ANKRD13C: variants seen among roughly 807,000 people sequenced by gnomAD.
The protein encoded by ANKRD13C is ankyrin repeat domain 13C, also known as ankyrin repeat domain-containing protein 13C.
Under a neutral mutation model 65.5 loss-of-function variants are expected in ANKRD13C, and 16 were observed. The observed-to-expected ratio is 0.24, with a 90% CI of 0.17 to 0.37. ANKRD13C has a LOEUF of 0.37. ANKRD13C is among the 10% of genes least tolerant of loss of function. ANKRD13C has a pLI of 1.00. For missense variants in ANKRD13C, 503 were observed against 655.9 expected (o/e 0.77, Z 2.55); for synonymous variants, 235 against 238.7 (o/e 0.98, Z 0.14).
At chr1:70,324,664 G>GT (rs1248159356) in intron 3 of ANKRD13C, among the ~76,000 whole-genome samples, 189 bp downstream of exon 3, 1 of 152,104 alleles carries the variant, frequency 6.6e-6, no homozygotes, top group Non-Finnish European at 1.5e-5. Flanking sequence ...AATTTTAAAC[G>GT]TGATTCTTCA....
intron 11 of ANKRD13C, among the ~76,000 whole-genome samples, chr1:70,271,590 T>G (rs1420860846): frequency 1.3e-5 from 2 of 152,198 alleles, no homozygotes. Flanking sequence ...TACTGACAGA[T>G]CACACTTTTG....
chr1:70,267,677 GTTC>G (rs1678690063), intron 12 of ANKRD13C, among the ~76,000 whole-genome samples: 1 of 152,028 alleles, frequency 6.6e-6, no homozygotes, highest in Admixed American at 6.6e-5. Flanking sequence ...CATTCTCTCT[GTTC>G]TTCATTTCTC....
At chr1:70,302,692 C>G (rs1462611259) in intron 6 of ANKRD13C, among the ~76,000 whole-genome samples, 6 of 86,346 alleles carry the variant, frequency 6.9e-5, no homozygotes, top group Non-Finnish European at 2.0e-5. Context: ...CGCCACTGCA[C>G]TCCAGCCTGG....
rs1412658262 is a variant in ANKRD13C, at chr1:70,260,160, GAC to G, written c.*2555_*2556del. On this transcript the variant is annotated 3_prime_UTR_variant, in exon 13 of 13. Coordinates refer to ENST00000370944, the MANE Select transcript of ANKRD13C (RefSeq NM_030816.5). ...CTAACATGTATCAGCAGACAGATGTGACAGTTTCCAAACCATCATCTGTACTT... is the reference window on the plus strand; with the variant it reads ...CTAACATGTATCAGCAGACAGATGTGAGTTTCCAAACCATCATCTGTACTT... Among the ~76,000 whole-genome samples the G allele has an allele frequency of 6.6e-6, 1 of 152,126 alleles. No individual in the cohort carries two copies. The highest frequency in any genetic ancestry group is 1.5e-5 in the Non-Finnish European group (1 of 67,990).
chr1:70,265,768 T>C (rs1678589071), intron 12 of ANKRD13C, among the ~76,000 whole-genome samples: 1 of 133,900 alleles, frequency 7.5e-6, no homozygotes. Context: ...GAAGTTGCAG[T>C]GAGCCGAGAT....
chr1:70,344,295 CA>C (rs1169730172), intron 1 of ANKRD13C, among the ~76,000 whole-genome samples: 993 of 85,620 alleles, frequency 0.012, 9 homozygotes, highest in Middle Eastern at 0.052. Flanking sequence ...GATTCCATCT[CA>C]AAAAAAAAAA....
intron 8 of ANKRD13C, among the ~76,000 whole-genome samples, chr1:70,295,631 T>A (rs12741805): frequency 0.11 from 17,035 of 152,228 alleles, 1,089 homozygotes; most frequent in Non-Finnish European, 0.15. Flanking sequence ...TAATTTACAC[T>A]AATGGGGAAA....
intron 11 of ANKRD13C, among the ~76,000 whole-genome samples, chr1:70,273,055 A>G (rs1324030364): frequency 1.3e-5 from 2 of 151,968 alleles, no homozygotes; most frequent in Non-Finnish European, 2.9e-5. Context: ...GCATCGAGTC[A>G]ACTGGGTCCT....
At chr1:70,279,000 A>G (rs1023901408) in intron 9 of ANKRD13C, among the ~76,000 whole-genome samples, 1 of 152,022 alleles carries the variant, frequency 6.6e-6, no homozygotes, top group African/African-American at 2.4e-5. Context: ...CAGGAGTTTG[A>G]GACTAGCCTG....
At chr1:70,268,174 CCG>C (rs1365965290) in intron 12 of ANKRD13C, among the ~76,000 whole-genome samples, 10 of 151,938 alleles carry the variant, frequency 6.6e-5, no homozygotes, top group African/African-American at 2.4e-4. Flanking sequence ...GCTAGCTTCC[CCG>C]CCCCCACCTT....
chr1:70,267,000 G>T (rs571320686), intron 12 of ANKRD13C, among the ~76,000 whole-genome samples: 1 of 152,244 alleles, frequency 6.6e-6, no homozygotes, highest in African/African-American at 2.4e-5. Flanking sequence ...TCTGTCTGTT[G>T]TTATATCAAT....
At chr1:70,294,773 G>A (rs112162461) in intron 8 of ANKRD13C, among the ~76,000 whole-genome samples, 3 of 151,992 alleles carry the variant, frequency 2.0e-5, no homozygotes, top group African/African-American at 7.2e-5. Context: ...CTATAGGCTT[G>A]TGCCACCTCA....
At chr1:70,331,203 AAAG>A (rs1681782271) in intron 2 of ANKRD13C, among the ~76,000 whole-genome samples, 2 of 152,254 alleles carry the variant, frequency 1.3e-5, no homozygotes, top group African/African-American at 4.8e-5. Flanking sequence ...GTGTATCTTA[AAAG>A]AAGATAAAAG....
intron 6 of ANKRD13C, 95 bp downstream of exon 6, chr1:70,306,129 C>T (rs1351168005): frequency 3.0e-5 from 23 of 761,376 alleles, no homozygotes; most frequent in South Asian, 1.5e-4. Context: ...AGCATTTTAA[C>T]GTCATAAAAC....
chr1:70,313,398 C>T (rs549141312), intron 5 of ANKRD13C, among the ~76,000 whole-genome samples: 8 of 151,878 alleles, frequency 5.3e-5, no homozygotes, highest in Admixed American at 2.0e-4. Context: ...GGTGTGACGG[C>T]ATGTGCCTGT....
chr1:70,293,511 A>G (rs1287450225), intron 8 of ANKRD13C: 1 of 976,314 alleles, frequency 1.0e-6, no homozygotes, highest in Non-Finnish European at 1.2e-6. Flanking sequence ...TACCTGTCAA[A>G]GATTTAAGAA....
In ANKRD13C at chr1:70,309,732, A is replaced by AAAAAAAT. The variant is rs1553248051; in HGVS notation, c.710-3443_710-3442insATTTTTT. On this transcript the variant is annotated intron_variant, in intron 5 of 12. Coordinates refer to ENST00000370944, the MANE Select transcript of ANKRD13C (RefSeq NM_030816.5). Reference sequence around the variant, plus strand: ...CTCCGTCGCAAAAAAAAAAAAAAAAAAATAATAATAATAATAATATACAAA... The same window carrying AAAAAAAT: ...CTCCGTCGCAAAAAAAAAAAAAAAAAAAAAAATAATAATAATAATAATAATATACAAA... Among the ~76,000 whole-genome samples, 5 of 107,096 alleles carry AAAAAAAT rather than the reference A, an allele frequency of 4.7e-5. No homozygotes were observed. In the East Asian group the frequency reaches 1.4e-3, roughly 30 times the overall value. The allele number at this position is 107,096 out of a possible 152,430, so 70.3% of individuals were successfully genotyped here.
At chr1:70,351,533 G>T (rs1682743871) in intron 1 of ANKRD13C, among the ~76,000 whole-genome samples, 1 of 152,030 alleles carries the variant, frequency 6.6e-6, no homozygotes, top group Non-Finnish European at 1.5e-5. Flanking sequence ...CCAAATAGCT[G>T]GGATTACAAG....
chr1:70,272,358 T>C (rs1210699193), intron 11 of ANKRD13C, among the ~76,000 whole-genome samples: 1 of 151,770 alleles, frequency 6.6e-6, no homozygotes, highest in Non-Finnish European at 1.5e-5. Flanking sequence ...GTAGCTGGGA[T>C]TACAGGTATG....
Sources: allele counts gnomAD v4.1 joint callset (sites outside exome capture counted in the v4.1 genomes callset), GRCh38; gene constraint gnomAD v4.1.1; transcripts MANE v1.5; gene names NCBI Gene and HGNC (gene_info 2026-07-23, HGNC 2026-07-21).